CMSS1: variants seen among roughly 807,000 people sequenced by gnomAD.
The protein encoded by CMSS1 is cms1 ribosomal small subunit homolog, also known as protein CMSS1.
In CMSS1, 33 loss-of-function variants were observed where a neutral mutation model predicts 43.5. The observed-to-expected ratio is 0.76, with a 90% CI of 0.57 to 1.01. CMSS1 has a LOEUF of 1.01. CMSS1 is among the 50% of genes least tolerant of loss of function. The pLI is 0.00. For synonymous variants in CMSS1, 115 were observed against 117.2 expected (o/e 0.98, Z 0.12); for missense variants, 313 against 326.4 (o/e 0.96, Z 0.32).
chr3:100,056,730 T>A (rs549140017), intron 1 of CMSS1, among the ~76,000 whole-genome samples: 1 of 148,206 alleles, frequency 6.7e-6, no homozygotes, highest in Non-Finnish European at 1.5e-5. Flanking sequence ...CCGGGCGCGG[T>A]GGCTCACGCC....
rs142472425 is a variant in CMSS1 at position 100,164,370 on chromosome 3, G to A, written c.355+1938G>A. Among the ~76,000 whole-genome samples, 340 of 152,274 alleles carry A rather than the reference G, an allele frequency of 2.2e-3. 1 individual carries two copies. The highest frequency in any genetic ancestry group is 7.8e-3 in the African/African-American group (324 of 41,554). ...CTGTTCTGTAACCTCATGGAACATCGTAAACCTTGCTCCTCTCTGGAGTTA... is the reference window on the plus strand; with the variant it reads ...CTGTTCTGTAACCTCATGGAACATCATAAACCTTGCTCCTCTCTGGAGTTA... On this transcript the variant is annotated intron_variant, in intron 4 of 9. Coordinates refer to ENST00000421999, the MANE Select transcript of CMSS1 (RefSeq NM_032359.4).
At chr3:100,044,487 G>T (rs1002801375) in intron 1 of CMSS1, among the ~76,000 whole-genome samples, 1 of 152,110 alleles carries the variant, frequency 6.6e-6, no homozygotes, top group African/African-American at 2.4e-5. Flanking sequence ...ACAGGCTAAA[G>T]GACAGCTTGC....
intron 1 of CMSS1, among the ~76,000 whole-genome samples, chr3:99,996,668 A>C (rs1024497816): frequency 2.6e-5 from 4 of 152,130 alleles, no homozygotes; most frequent in African/African-American, 9.7e-5. Context: ...TGGGAGGCAA[A>C]AGGCGCTTCT....
At chr3:100,112,019 C>T (rs1466868141) in intron 1 of CMSS1, among the ~76,000 whole-genome samples, 1 of 152,134 alleles carries the variant, frequency 6.6e-6, no homozygotes, top group Non-Finnish European at 1.5e-5. Context: ...ATCCCAATAA[C>T]CAGCACGGGG....
chr3:100,170,736 G>A (rs563462068), intron 6 of CMSS1, among the ~76,000 whole-genome samples: 7 of 152,320 alleles, frequency 4.6e-5, no homozygotes, highest in East Asian at 1.9e-4. Context: ...AGGCAGGCAC[G>A]GCAGGTGCAC....
At chr3:100,135,292 C>T (rs1288271876) in intron 1 of CMSS1, among the ~76,000 whole-genome samples, 1 of 151,922 alleles carries the variant, frequency 6.6e-6, no homozygotes, top group Non-Finnish European at 1.5e-5. Flanking sequence ...TCAAAACTGC[C>T]CCAAAATATA....
intron 1 of CMSS1, among the ~76,000 whole-genome samples, chr3:99,862,750 C>G (rs578150722): frequency 9.2e-5 from 14 of 152,312 alleles, no homozygotes; most frequent in Non-Finnish European, 1.5e-4. Context: ...TTCGTTGTCT[C>G]TGGCCTGTAT....
intron 2 of CMSS1, among the ~76,000 whole-genome samples, chr3:100,148,576 C>T (rs1254524468): frequency 2.0e-5 from 3 of 152,062 alleles, no homozygotes; most frequent in East Asian, 1.9e-4. Context: ...ACTTGCCCAC[C>T]GAAGTGGACA....
At chr3:100,153,337 C>G (rs1211293173) in intron 2 of CMSS1, among the ~76,000 whole-genome samples, 2 of 152,204 alleles carry the variant, frequency 1.3e-5, no homozygotes, top group African/African-American at 2.4e-5. Flanking sequence ...TTTCATTCGA[C>G]ACAGTATTAT....
chr3:100,124,074 G>C (rs2066643083), intron 1 of CMSS1, among the ~76,000 whole-genome samples: 1 of 152,176 alleles, frequency 6.6e-6, no homozygotes, highest in African/African-American at 2.4e-5. Context: ...GTCTATGACA[G>C]ATACAGTTCA....
intron 1 of CMSS1, among the ~76,000 whole-genome samples, chr3:99,831,605 A>G (rs989610135): frequency 5.3e-5 from 8 of 152,244 alleles, no homozygotes; most frequent in African/African-American, 1.9e-4. Context: ...TATTGTGACT[A>G]TAGCATTAAT....
intron 1 of CMSS1, among the ~76,000 whole-genome samples, chr3:99,852,426 G>C (rs1378089719): frequency 6.6e-6 from 1 of 151,994 alleles, no homozygotes; most frequent in East Asian, 1.9e-4. Flanking sequence ...GTAAGGATTT[G>C]AGAGAACTTT....
intron 1 of CMSS1, among the ~76,000 whole-genome samples, chr3:99,847,589 G>A (rs887229563): frequency 1.3e-4 from 19 of 151,926 alleles, no homozygotes; most frequent in Admixed American, 1.0e-3. Flanking sequence ...AAAATTATTC[G>A]GTAGTATTTT....
intron 1 of CMSS1, among the ~76,000 whole-genome samples, chr3:100,001,898 C>T (rs1167622532): frequency 6.6e-6 from 1 of 152,140 alleles, no homozygotes; most frequent in African/African-American, 2.4e-5. Flanking sequence ...CATAGAAGGT[C>T]GGGGACCCAA....
intron 1 of CMSS1, among the ~76,000 whole-genome samples, chr3:100,011,507 A>G (rs1339700904): frequency 6.6e-6 from 1 of 152,140 alleles, no homozygotes; most frequent in Non-Finnish European, 1.5e-5. Context: ...CCTTCCCTCC[A>G]GTTTTAATTT....
At chr3:100,151,751 G>GC (rs1340505315) in intron 2 of CMSS1, among the ~76,000 whole-genome samples, 1 of 151,996 alleles carries the variant, frequency 6.6e-6, no homozygotes, top group Non-Finnish European at 1.5e-5. Context: ...TCTTCCTCTG[G>GC]CCCCCCAGTG....
At chr3:99,868,629 T>C (rs1944636649) in intron 1 of CMSS1, among the ~76,000 whole-genome samples, 1 of 152,236 alleles carries the variant, frequency 6.6e-6, no homozygotes. Flanking sequence ...GGCCAAATAA[T>C]GGGTTTTTAA....
chr3:100,141,408 G>T (rs776964862), intron 1 of CMSS1: 2 of 324,060 alleles, frequency 6.2e-6, no homozygotes, highest in Non-Finnish European at 1.2e-5. Context: ...TGGGAGATAC[G>T]TGGCAGGAGA....
intron 1 of CMSS1, chr3:99,924,114 A>G (rs1707211297): frequency 1.2e-6 from 1 of 858,014 alleles, no homozygotes; most frequent in South Asian, 1.7e-5. Flanking sequence ...ACCCTGGACT[A>G]TGAGATCTTT....
Sources: allele counts gnomAD v4.1 joint callset (sites outside exome capture counted in the v4.1 genomes callset), GRCh38; gene constraint gnomAD v4.1.1; transcripts MANE v1.5; gene names NCBI Gene and HGNC (gene_info 2026-07-23, HGNC 2026-07-21).